PHF14: variants seen among roughly 807,000 people sequenced by gnomAD.
PHF14 encodes PHD finger protein 14.
A neutral mutation model predicts 117.9 loss-of-function variants in PHF14; 55 were observed. The ratio of observed to expected loss-of-function variants is 0.47; its 90% CI spans 0.38 to 0.58. The LOEUF is 0.58. Among genes scored for constraint, PHF14 ranks in the 20% least tolerant of loss-of-function variants. The pLI, the probability that PHF14 is intolerant of heterozygous loss-of-function variation, is 0.00. For missense variants in PHF14, 978 were observed against 1,122.2 expected (o/e 0.87, Z 1.84); for synonymous variants, 409 against 368.6 (o/e 1.11, Z -1.26).
At chr7:11,110,383 A>G (rs1787404177) in intron 16 of PHF14, 1 of 158,682 alleles carries the variant, frequency 6.3e-6, no homozygotes, top group Non-Finnish European at 1.4e-5. Flanking sequence ...TTTTTAAACT[A>G]TGAAATGAGG....
At position 10,994,913 on chromosome 7, in the gene PHF14, C is replaced by T. The variant is rs556065055; in HGVS notation, c.1045+4066C>T. On this transcript the variant is annotated intron_variant, in intron 4 of 17. Coordinates refer to ENST00000634607, the MANE Select transcript of PHF14 (RefSeq NM_001007157.2). The stretch of plus-strand genomic sequence containing the variant: ...TCCACAGTGTGGAAGGGGACCCGAG[C>T]GGGTTGCCATTGCTGGCTGGGGCAG... Among the ~76,000 whole-genome samples the T allele has an allele frequency of 1.8e-4, 28 of 152,294 alleles. No individual in the cohort carries two copies. The South Asian group carries it at 3.3e-3, about 18-fold the overall frequency.
intron 17 of PHF14, among the ~76,000 whole-genome samples, chr7:11,122,331 T>TTTTATATATATATA (rs1236770638): frequency 1.9e-4 from 16 of 84,018 alleles, no homozygotes; most frequent in Non-Finnish European, 2.4e-4. Flanking sequence ...TTTGTACTTT[T>TTTTATATATATATA]TATATATATA....
intron 5 of PHF14, among the ~76,000 whole-genome samples, chr7:11,017,593 A>G (rs1783576512): frequency 6.6e-6 from 1 of 151,784 alleles, no homozygotes; most frequent in Non-Finnish European, 1.5e-5. Context: ...TCTGTTTTTA[A>G]TCAGATTATT....
chr7:11,116,110 A>G (rs929400670), intron 17 of PHF14, among the ~76,000 whole-genome samples: 2 of 151,972 alleles, frequency 1.3e-5, no homozygotes, highest in African/African-American at 4.8e-5. Flanking sequence ...GTTATATTGA[A>G]TGTTATTATT....
At chr7:11,167,357 A>G (rs1209638339) in intron 17 of PHF14, among the ~76,000 whole-genome samples, 2 of 152,232 alleles carry the variant, frequency 1.3e-5, no homozygotes, top group African/African-American at 4.8e-5. Flanking sequence ...GTTGTTATAT[A>G]GTAAGTTAAG....
At chr7:11,114,410 G>A (rs1048731582) in intron 17 of PHF14, among the ~76,000 whole-genome samples, 1 of 151,812 alleles carries the variant, frequency 6.6e-6, no homozygotes, top group African/African-American at 2.4e-5. Context: ...TTGTATGAGG[G>A]CAAAAATTTC....
At chr7:11,155,359 T>C (rs1317266868) in intron 17 of PHF14, among the ~76,000 whole-genome samples, 2 of 152,168 alleles carry the variant, frequency 1.3e-5, no homozygotes, top group Non-Finnish European at 2.9e-5. Flanking sequence ...AGAACAAATA[T>C]GAAGTATGTC....
chr7:11,021,092 T>C (rs576419963), intron 5 of PHF14, among the ~76,000 whole-genome samples: 1 of 152,378 alleles, frequency 6.6e-6, no homozygotes, highest in South Asian at 2.1e-4. Flanking sequence ...CATTCTTAAA[T>C]GAGTCTTTTG....
chr7:11,158,739 C>G (rs1225357163), intron 17 of PHF14, among the ~76,000 whole-genome samples: 1 of 151,932 alleles, frequency 6.6e-6, no homozygotes, highest in Non-Finnish European at 1.5e-5. Flanking sequence ...GACTTGATGT[C>G]TCTAAGGAGA....
At chr7:11,122,147 T>C (rs1230285578) in intron 17 of PHF14, among the ~76,000 whole-genome samples, 2 of 151,244 alleles carry the variant, frequency 1.3e-5, no homozygotes, top group African/African-American at 4.9e-5. Flanking sequence ...TTGCTGAGAA[T>C]GATGGCTTCC....
At chr7:11,164,955 C>T (rs543444903) in intron 17 of PHF14, among the ~76,000 whole-genome samples, 289 of 152,202 alleles carry the variant, frequency 1.9e-3, no homozygotes, top group Admixed American at 7.3e-3. Flanking sequence ...GACGGAGTCT[C>T]GCTCAATTGC....
intron 2 of PHF14, among the ~76,000 whole-genome samples, chr7:10,978,316 A>C (rs1781938050): frequency 6.6e-6 from 1 of 152,210 alleles, no homozygotes; most frequent in African/African-American, 2.4e-5. Context: ...TAATTAAATA[A>C]AATAGTTGAT....
intron 13 of PHF14, among the ~76,000 whole-genome samples, chr7:11,050,258 GA>G (rs770882052): frequency 6.6e-6 from 1 of 151,976 alleles, no homozygotes; most frequent in African/African-American, 2.4e-5. Flanking sequence ...CTTGCTATGA[GA>G]ATTATAAGCT....
chr7:11,129,204 G>A (rs1198860886), intron 17 of PHF14, among the ~76,000 whole-genome samples: 3 of 152,062 alleles, frequency 2.0e-5, no homozygotes, highest in East Asian at 3.9e-4. Context: ...TAGAGGTGGT[G>A]CAGGTTCTAG....
chr7:11,089,761 CTTTTTTTT>C (rs71023888), intron 16 of PHF14, among the ~76,000 whole-genome samples: 4 of 97,892 alleles, frequency 4.1e-5, no homozygotes, highest in Non-Finnish European at 6.1e-5. Context: ...TTCATGCATT[CTTTTTTTT>C]TTTTTTTTTT....
intron 17 of PHF14, among the ~76,000 whole-genome samples, chr7:11,122,360 C>G (rs1451370471): frequency 1.2e-5 from 1 of 80,014 alleles, no homozygotes; most frequent in African/African-American, 6.0e-5. Context: ...TATACACACA[C>G]ACACACACAC....
At chr7:11,024,478 A>G (rs10256300) in intron 6 of PHF14, among the ~76,000 whole-genome samples, 17,284 of 152,186 alleles carry the variant, frequency 0.11, 1,200 homozygotes, top group African/African-American at 0.2. Flanking sequence ...GCTAGAGAGG[A>G]GAAGTCACTA....
At chr7:11,140,869 C>T (rs1258388063) in intron 17 of PHF14, among the ~76,000 whole-genome samples, 1 of 152,044 alleles carries the variant, frequency 6.6e-6, no homozygotes, top group African/African-American at 2.4e-5. Flanking sequence ...TCCTGGGAAG[C>T]GTCTTTGATA....
At chr7:11,144,345 C>A (rs1788484776) in intron 17 of PHF14, among the ~76,000 whole-genome samples, 1 of 151,770 alleles carries the variant, frequency 6.6e-6, no homozygotes, top group African/African-American at 2.4e-5. Flanking sequence ...AACTTATAAC[C>A]CAGCAATCAC....
Sources: gnomAD v4.1 joint callset for allele counts (sites outside exome capture counted in the v4.1 genomes callset) on GRCh38, gnomAD v4.1.1 for gene constraint, MANE v1.5 for transcripts, NCBI Gene and HGNC (gene_info 2026-07-23, HGNC 2026-07-21) for gene names.